CFAP58: variants seen among roughly 807,000 people sequenced by gnomAD.
CFAP58 encodes the protein cilia- and flagella-associated protein 58.
A neutral mutation model predicts 119.5 loss-of-function variants in CFAP58; 88 were observed. That is an observed-to-expected ratio of 0.74 (90% CI 0.62 to 0.88). The LOEUF (loss-of-function observed/expected upper bound fraction) is 0.88, where lower values mean the gene tolerates loss of function less well. Among genes scored for constraint, CFAP58 ranks in the 40% least tolerant of loss-of-function variants. CFAP58 has a pLI of 0.00. For missense variants in CFAP58, 990 were observed against 1,021.2 expected, an observed-to-expected ratio of 0.97 and a Z score of 0.42; for synonymous variants, 365 against 366.3, an observed-to-expected ratio of 1.00 and a Z score of 0.04.
chr10:104,452,848 G>A (rs2013216954), intron 17 of CFAP58, among the ~76,000 whole-genome samples: 1 of 152,140 alleles, frequency 6.6e-6, no homozygotes, highest in South Asian at 2.1e-4. Context: ...TAGCCACTCT[G>A]ACCTAGTTAG....
At chr10:104,454,035 A>T (rs1232211205) in intron 17 of CFAP58, among the ~76,000 whole-genome samples, 1 of 152,166 alleles carries the variant, frequency 6.6e-6, no homozygotes, top group East Asian at 1.9e-4. Flanking sequence ...TTTGCAATAT[A>T]AAAGTTGATA....
upstream of CFAP58, among the ~76,000 whole-genome samples, chr10:104,350,287 G>A (rs1279694718): frequency 6.6e-6 from 1 of 152,184 alleles, no homozygotes; most frequent in Non-Finnish European, 1.5e-5. Flanking sequence ...CTAAATTAGG[G>A]GCTGACGCGA....
intron 15 of CFAP58, among the ~76,000 whole-genome samples, chr10:104,413,578 G>A (rs763576423): frequency 6.6e-6 from 1 of 152,108 alleles, no homozygotes; most frequent in Non-Finnish European, 1.5e-5. Context: ...TGCTGTTGTT[G>A]CTTCATTTGT....
intron 15 of CFAP58, among the ~76,000 whole-genome samples, chr10:104,413,640 G>A (rs2012495970): frequency 6.6e-6 from 1 of 151,908 alleles, no homozygotes; most frequent in African/African-American, 2.4e-5. Flanking sequence ...TTTCTTTAAA[G>A]GCATCTGTGG....
At chr10:104,352,302 C>T (rs906617540), upstream of CFAP58, among the ~76,000 whole-genome samples, 1 of 152,140 alleles carries the variant, frequency 6.6e-6, no homozygotes, top group East Asian at 1.9e-4. Flanking sequence ...CTCTGGTACA[C>T]AATCTTAAAG....
intron 16 of CFAP58, among the ~76,000 whole-genome samples, chr10:104,449,723 C>T (rs1449334450): frequency 6.6e-6 from 1 of 151,998 alleles, no homozygotes; most frequent in African/African-American, 2.4e-5. Flanking sequence ...GCTTTAAAAG[C>T]AATTTTAGAC....
intron 13 of CFAP58, among the ~76,000 whole-genome samples, chr10:104,402,047 T>C (rs2012275553): frequency 6.6e-6 from 1 of 152,036 alleles, no homozygotes; most frequent in African/African-American, 2.4e-5. Flanking sequence ...TGCTAGTTTG[T>C]TGTTAATATA....
rs764960540 is a variant in CFAP58 at position 104,370,931 on chromosome 10, A to T, written c.967A>T (p.Ile323Phe). ...AGAAGTCCATCAAATGCGCCTTGAC[A>T]TCGGGAAGCTCAACAAAATCAGAGA... Reference protein sequence around the residue: ...EEEVHQMRLDIGKLNKIREQI... With the variant: ...EEEVHQMRLDFGKLNKIREQI... Residue 323 changes from isoleucine to phenylalanine, a missense_variant, in exon 7 of 18, where the codon ATC (isoleucine) becomes TTC (phenylalanine). Physicochemically the swap from Ile to Phe is conservative, Grantham distance 21. Transcript: ENST00000369704. The T allele has an allele frequency of 6.2e-7, 1 of 1,613,536 alleles. No homozygotes were observed. The highest frequency in any genetic ancestry group is 8.5e-7 in the Non-Finnish European group (1 of 1,179,872).
intron 17 of CFAP58, among the ~76,000 whole-genome samples, chr10:104,454,088 T>G (rs1564909600): frequency 6.6e-6 from 1 of 152,186 alleles, no homozygotes; most frequent in Admixed American, 6.5e-5. Flanking sequence ...AAAAAGATTC[T>G]TCTGACTGAT....
chr10:104,387,911 A>G (rs2011956962), intron 9 of CFAP58, among the ~76,000 whole-genome samples: 1 of 152,224 alleles, frequency 6.6e-6, no homozygotes, highest in African/African-American at 2.4e-5. Context: ...ATTTGCCTAT[A>G]ACACTGTCAA....
chr10:104,364,332 G>T (rs1589909323), intron 3 of CFAP58, among the ~76,000 whole-genome samples: 1 of 151,694 alleles, frequency 6.6e-6, no homozygotes, highest in South Asian at 2.1e-4. Context: ...GTAATACAGA[G>T]GTGTGGAAAG....
rs1444283241 is a variant in CFAP58, at chr10:104,447,834, G to A, written c.2376+17G>A. On this transcript the variant is annotated intron_variant, in intron 16 of 17. Transcript: ENST00000369704. ...CAGCTGAAAGTAAGTGGTAGCCCCT[G>A]TTCCTTCCGGGTTCCAGGGCAGCCA... 3 of 1,592,816 alleles carry A rather than the reference G, an allele frequency of 1.9e-6. No homozygotes were observed. The highest frequency in any genetic ancestry group is 2.3e-5 in the East Asian group (1 of 44,086).
intron 7 of CFAP58, among the ~76,000 whole-genome samples, chr10:104,376,002 C>T (rs1219347971): frequency 6.6e-6 from 1 of 151,878 alleles, no homozygotes; most frequent in African/African-American, 2.4e-5. Context: ...TAAAAGGGTA[C>T]CTGGCTCTTT....
chr10:104,412,502 T>C (rs1428733680), intron 15 of CFAP58, among the ~76,000 whole-genome samples: 3 of 152,150 alleles, frequency 2.0e-5, no homozygotes. Flanking sequence ...AGCCTTGTTA[T>C]CTTGCTGAAG....
At chr10:104,388,624 A>T (rs2011972317) in intron 9 of CFAP58, among the ~76,000 whole-genome samples, 1 of 152,252 alleles carries the variant, frequency 6.6e-6, no homozygotes, top group African/African-American at 2.4e-5. Context: ...AACCATTGAC[A>T]TCAAGTCAGA....
At position 104,436,536 on chromosome 10, in the gene CFAP58, G is replaced by A. The variant is rs59391820; in HGVS notation, c.2257-11162G>A. ...GGAAGGTGAAGCGGGAGTAGGCACC[G>A]CACATAATGAAAGCAGGAACAGGAG... On this transcript the variant is annotated intron_variant, in intron 15 of 17. Coordinates refer to ENST00000369704, the MANE Select transcript of CFAP58 (RefSeq NM_001008723.2). Among the ~76,000 whole-genome samples, 1,479 of 152,148 alleles carry A rather than the reference G, an allele frequency of 9.7e-3. 31 individuals are homozygous for A. The highest frequency in any genetic ancestry group is 0.034 in the African/African-American group (1,405 of 41,482).
At chr10:104,434,212 A>G (rs1194076523) in intron 15 of CFAP58, among the ~76,000 whole-genome samples, 1 of 152,202 alleles carries the variant, frequency 6.6e-6, no homozygotes, top group Non-Finnish European at 1.5e-5. Flanking sequence ...AATGTTAGCT[A>G]TTATTATAAT....
chr10:104,416,552 T>G (rs2012557769), intron 15 of CFAP58, among the ~76,000 whole-genome samples: 1 of 152,166 alleles, frequency 6.6e-6, no homozygotes, highest in African/African-American at 2.4e-5. Context: ...CACGAGTTAT[T>G]AGCTGTGCAG....
intron 15 of CFAP58, among the ~76,000 whole-genome samples, chr10:104,441,831 G>A (rs1254020967): frequency 1.3e-5 from 2 of 152,240 alleles, no homozygotes; most frequent in South Asian, 4.1e-4. Flanking sequence ...CCTCTCTAGG[G>A]GGCTTTACTA....
Sources: gnomAD v4.1 joint callset for allele counts (sites outside exome capture counted in the v4.1 genomes callset) on GRCh38, gnomAD v4.1.1 for gene constraint, MANE v1.5 for transcripts, NCBI Gene and HGNC (gene_info 2026-07-23, HGNC 2026-07-21) for gene names.